MAN1C1: variants seen among roughly 807,000 people sequenced by gnomAD.
MAN1C1 encodes the protein mannosidase alpha class 1C member 1, also known as mannosyl-oligosaccharide 1,2-alpha-mannosidase IC.
Under a neutral mutation model 71.5 loss-of-function variants are expected in MAN1C1, and 49 were observed. The observed-to-expected ratio is 0.69, with a 90% confidence interval of 0.54 to 0.87. The LOEUF is 0.87. Ranked by LOEUF, MAN1C1 falls within the 40% of genes least tolerant of loss-of-function variation. The pLI is 0.00. For synonymous variants in MAN1C1, 352 were observed against 343.7 expected (o/e 1.02, Z -0.27); for missense variants, 743 against 835.0 (o/e 0.89, Z 1.36).
chr1:25,777,978 TG>T, intron 8 of MAN1C1, 126 bp from the exon 9 acceptor site: 1 of 699,616 alleles, frequency 1.4e-6, no homozygotes, highest in Non-Finnish European at 2.3e-6. Context: ...CTCCTTTGCC[TG>T]GGATGGAGGG....
At chr1:25,621,519 G>A (rs1319615559) in intron 1 of MAN1C1, among the ~76,000 whole-genome samples, 1 of 152,184 alleles carries the variant, frequency 6.6e-6, no homozygotes, top group East Asian at 1.9e-4. Context: ...TCACACATGG[G>A]AATGTACAGC....
intron 2 of MAN1C1, among the ~76,000 whole-genome samples, chr1:25,692,167 C>G (rs756844237): frequency 2.0e-5 from 3 of 152,206 alleles, no homozygotes; most frequent in Non-Finnish European, 4.4e-5. Flanking sequence ...GTGCAGCGCT[C>G]TTTGCGCCGC....
Position 25,749,499 on chromosome 1 carries a change from C to CCATCCCTCCGCT in MAN1C1, c.834+166_834+177dup, listed in dbSNP as rs545958122. On this transcript the variant is annotated intron_variant, in intron 4 of 11. Coordinates refer to ENST00000374332, the MANE Select transcript of MAN1C1 (RefSeq NM_020379.4). ...CCCTGAGGGCCTGTTTTCCCTCCGA[C>CCATCCCTCCGCT]CATCCCTCCGCTCCCTGTTTAATCA... 2.2e-4 allele frequency among the ~76,000 whole-genome samples: 34 copies of CCATCCCTCCGCT among 152,340 alleles called. No homozygotes were observed. The South Asian group carries it at 6.8e-3, about 31-fold the overall frequency.
At chr1:25,771,978 T>A in intron 8 of MAN1C1, 2 of 548,012 alleles carry the variant, frequency 3.6e-6, no homozygotes, top group Non-Finnish European at 6.5e-6. Flanking sequence ...GCTCTAAGAC[T>A]GGGGCTTTGT....
At chr1:25,643,160 C>A (rs1375418883) in intron 1 of MAN1C1, among the ~76,000 whole-genome samples, 1 of 152,058 alleles carries the variant, frequency 6.6e-6, no homozygotes, top group African/African-American at 2.4e-5. Flanking sequence ...GGGGAGGGAC[C>A]TTCTAGTTCT....
At chr1:25,694,708 G>A (rs187218884) in intron 2 of MAN1C1, among the ~76,000 whole-genome samples, 10 of 152,278 alleles carry the variant, frequency 6.6e-5, no homozygotes, top group African/African-American at 2.2e-4. Context: ...TTTTTGTCGG[G>A]GTGAGAGTTA....
intron 2 of MAN1C1, among the ~76,000 whole-genome samples, chr1:25,688,305 C>T (rs2046262346): frequency 6.6e-6 from 1 of 152,242 alleles, no homozygotes; most frequent in Admixed American, 6.5e-5. Context: ...ACATAACCTA[C>T]ATCAGCCCTG....
In MAN1C1 at chr1:25,747,825, T is replaced by A. The variant is rs112224945; in HGVS notation, c.753+1042T>A. Reference sequence around the variant, plus strand: ...GAGAATGATGACAACAGCAACAATATTAATAATGCCTAACTCATAGGCTTA... The same window carrying A: ...GAGAATGATGACAACAGCAACAATAATAATAATGCCTAACTCATAGGCTTA... On this transcript the variant is annotated intron_variant, in intron 3 of 11. Coordinates refer to ENST00000374332, the MANE Select transcript of MAN1C1 (RefSeq NM_020379.4). 7.4e-3 allele frequency among the ~76,000 whole-genome samples: 1,129 copies of A among 152,338 alleles called. 19 individuals are homozygous for A. Among genetic ancestry groups the A allele is most frequent in the Middle Eastern group, 0.058 (17 of 294 alleles).
Position 25,778,246 on chromosome 1 carries a change from A to G in MAN1C1, c.1399A>G (p.Lys467Glu). ...GMIALGAEDA[K>E]EEKRAHYREL... ...GATCGCCCTTGGCGCCGAGGATGCC[A>G]AGGAAGAAAAGAGGGCCCACTACCG... The change falls in exon 9 of 12, where the codon AAG becomes GAG. Residue 467 changes from lysine (K) to glutamate (E), a missense_variant. Coordinates refer to ENST00000374332, the MANE Select transcript of MAN1C1 (RefSeq NM_020379.4). This position sits in a 1 kb window ranked among gnomAD's most constrained non-coding sequence, Gnocchi z 5.5. The G allele has an allele frequency of 6.2e-7, 1 of 1,614,052 alleles. No homozygotes were observed. Among genetic ancestry groups the G allele is most frequent in the African/African-American group, 1.3e-5 (1 of 75,056 alleles).
Position 25,778,413 on chromosome 1 carries a change from G to A in MAN1C1, c.1477+89G>A. 7.5e-7 allele frequency: 1 copy of A among 1,333,634 alleles called. No homozygotes were observed. The highest frequency in any genetic ancestry group is 2.5e-5 in the East Asian group (1 of 40,746). The allele number at this position is 1,333,634 out of a possible 1,614,324, so 82.6% of individuals were successfully genotyped here. A position where few individuals can be genotyped will look rare whatever the true frequency, so the allele number is the denominator to read the frequency against. ...AGACCGGCAGCAGTGAGCGAAGGGA[G>A]CACATGGCCTTAGGGAAGCCTCCCC... On this transcript the variant is annotated intron_variant, in intron 9 of 11. Transcript: ENST00000374332. The surrounding 1 kb of genome is among the most constrained non-coding windows in gnomAD (Gnocchi z 5.5).
intron 2 of MAN1C1, among the ~76,000 whole-genome samples, chr1:25,686,767 G>T (rs1032334042): frequency 6.6e-6 from 1 of 152,160 alleles, no homozygotes; most frequent in Non-Finnish European, 1.5e-5. Context: ...TGCTTTGTAT[G>T]AAATTATCGT....
In MAN1C1 at chr1:25,782,567, C is replaced by T; in HGVS notation, c.1651-18C>T. 6.3e-7 allele frequency: 1 copy of T among 1,579,592 alleles called. No homozygotes were observed. The highest frequency in any genetic ancestry group is 8.7e-7 in the Non-Finnish European group (1 of 1,148,606). On this transcript the variant is annotated intron_variant, in intron 10 of 11. Transcript: ENST00000374332. This position sits in a 1 kb window ranked among gnomAD's most constrained non-coding sequence, Gnocchi z 4.4. The stretch of plus-strand genomic sequence containing the variant: ...CCCGTGTTAAGGCTGTTTTCCTCCT[C>T]CTCTTCCCCTTCCTCAGGCCTTGGA...
intron 2 of MAN1C1, among the ~76,000 whole-genome samples, chr1:25,705,938 A>G (rs1234810062): frequency 2.6e-5 from 4 of 152,150 alleles, no homozygotes; most frequent in African/African-American, 9.6e-5. Context: ...GCAAGACCCT[A>G]TGTCAGATAA....
intron 2 of MAN1C1, among the ~76,000 whole-genome samples, chr1:25,701,028 C>T (rs958990174): frequency 1.3e-4 from 20 of 152,216 alleles, no homozygotes; most frequent in Non-Finnish European, 2.6e-4. Context: ...TTTTAAAATC[C>T]GAGGAGAAAA....
At chr1:25,683,916 C>G (rs1342717014) in intron 1 of MAN1C1, among the ~76,000 whole-genome samples, 1 of 152,146 alleles carries the variant, frequency 6.6e-6, no homozygotes, top group African/African-American at 2.4e-5. Flanking sequence ...GAATTCAGTC[C>G]CCAGCGATGC....
In MAN1C1 at chr1:25,635,905, G is replaced by A. The variant is rs528107481; in HGVS notation, c.540+17568G>A. Among the ~76,000 whole-genome samples the A allele has an allele frequency of 1.0e-3, 153 of 152,240 alleles. 2 individuals are homozygous for A. The South Asian group carries it at 0.024, about 24-fold the overall frequency. ...TCAATGTAGGTTCTTTCCATTTTCC[G>A]TAAGTGTCAGCTGGCTGAGAAATAA... is the stretch of plus-strand genomic sequence containing the variant. On this transcript the variant is annotated intron_variant, in intron 1 of 11. Transcript: ENST00000374332.
intron 2 of MAN1C1, among the ~76,000 whole-genome samples, chr1:25,693,858 T>G (rs12076796): frequency 0.023 from 3,563 of 152,280 alleles, 116 homozygotes; most frequent in African/African-American, 0.079. Flanking sequence ...TTTCCCCATC[T>G]GTACAATGGG....
intron 1 of MAN1C1, among the ~76,000 whole-genome samples, chr1:25,685,048 G>T (rs577393462): frequency 6.6e-6 from 1 of 152,370 alleles, no homozygotes; most frequent in East Asian, 1.9e-4. Context: ...CTGGATGAAA[G>T]GAGGGGTGGA....
At chr1:25,717,539 C>T (rs1401886150) in intron 2 of MAN1C1, among the ~76,000 whole-genome samples, 1 of 151,524 alleles carries the variant, frequency 6.6e-6, no homozygotes, top group Non-Finnish European at 1.5e-5. Flanking sequence ...AGAGAATTTG[C>T]CAAATTGTCT....
Sources: allele counts gnomAD v4.1 joint callset (sites outside exome capture counted in the v4.1 genomes callset), GRCh38; gene constraint gnomAD v4.1.1; non-coding constraint Gnocchi (gnomAD v3.1); transcripts MANE v1.5; gene names NCBI Gene and HGNC (gene_info 2026-07-23, HGNC 2026-07-21).